The following AHCYL1 variants were observed in gnomAD, a reference collection of about 807,000 sequenced individuals.
The protein encoded by AHCYL1 is adenosylhomocysteinase like 1.
Under a neutral mutation model 79.3 loss-of-function variants are expected in AHCYL1, and 20 were observed. The observed-to-expected ratio is 0.25, with a 90% CI of 0.18 to 0.37. AHCYL1 has a LOEUF of 0.37. Among genes scored for constraint, AHCYL1 ranks in the 10% least tolerant of loss-of-function variants. The pLI, the probability that AHCYL1 is intolerant of heterozygous loss-of-function variation, is 1.00. For missense variants in AHCYL1, 330 were observed against 673.6 expected (o/e 0.49, Z 5.65); for synonymous variants, 223 against 242.2 (o/e 0.92, Z 0.74).
chr1:109,987,771 T>G (rs12073761), intron 1 of AHCYL1, among the ~76,000 whole-genome samples: 2 of 152,140 alleles, frequency 1.3e-5, no homozygotes, highest in Non-Finnish European at 2.9e-5. Flanking sequence ...ATAGGACTTG[T>G]TGGTTTGATT....
Position 109,991,514 on chromosome 1 carries a change from G to A in AHCYL1, c.120+6342G>A, listed in dbSNP as rs374026741. Among the ~76,000 whole-genome samples, 8 of 152,236 alleles carry A rather than the reference G, an allele frequency of 5.3e-5. No homozygotes were observed. The East Asian group carries it at 9.6e-4, about 18-fold the overall frequency. ...GAAATGGGGCATATTAAACAGGAGG[G>A]GTCTGGGACTGCTCTCTGTTCCATG... On this transcript the variant is annotated intron_variant, in intron 1 of 16. Transcript: ENST00000369799.
At chr1:110,019,838 G>T (rs1319843817) in intron 15 of AHCYL1, among the ~76,000 whole-genome samples, 1 of 152,224 alleles carries the variant, frequency 6.6e-6, no homozygotes, top group Non-Finnish European at 1.5e-5. Context: ...AATTGTGTGA[G>T]AATCACAGCT....
At chr1:110,018,285 C>A in intron 11 of AHCYL1, 88 bp from the exon 12 acceptor site, 2 of 1,247,456 alleles carry the variant, frequency 1.6e-6, no homozygotes, top group South Asian at 2.5e-5. Context: ...TGCCAGCAAG[C>A]CTCTGGTCTC....
chr1:110,012,217 G>A (rs532915047), intron 3 of AHCYL1, 145 bp from the exon 4 acceptor site: 9 of 607,974 alleles, frequency 1.5e-5, no homozygotes, highest in Admixed American at 3.2e-5. Context: ...TTACTGTGCC[G>A]TTGAAGCTGC....
At chr1:110,012,815 T>A in intron 4 of AHCYL1, 82 bp from the exon 5 acceptor site, 1 of 1,025,522 alleles carries the variant, frequency 9.8e-7, no homozygotes, top group Non-Finnish European at 1.4e-6. Context: ...AGTTGATAGG[T>A]ATTGCTATCT....
intron 1 of AHCYL1, among the ~76,000 whole-genome samples, chr1:109,987,539 A>G (rs1649536100): frequency 6.6e-6 from 1 of 152,198 alleles, no homozygotes; most frequent in South Asian, 2.1e-4. Flanking sequence ...GGTGACCTTG[A>G]TGGTCCTCAG....
rs745611469 is a variant in AHCYL1 at position 110,011,191 on chromosome 1, G to A, written c.233-23G>A. The A allele has an allele frequency of 3.1e-6, 5 of 1,611,842 alleles. No homozygotes were observed. The East Asian group carries it at 8.9e-5, about 29-fold the overall frequency. ...GGACCACTGAGGTTTTTCTATCCTT[G>A]TTTTTTTCTTTCCTGGCTCTAGCTG... On this transcript the variant is annotated intron_variant, in intron 2 of 16. Coordinates refer to ENST00000369799, the MANE Select transcript of AHCYL1 (RefSeq NM_006621.7).
chr1:109,989,072 G>T (rs946640112), intron 1 of AHCYL1, among the ~76,000 whole-genome samples: 1 of 152,252 alleles, frequency 6.6e-6, no homozygotes, highest in Non-Finnish European at 1.5e-5. Flanking sequence ...TAGAGTGGCT[G>T]CTGTTGTAGT....
At chr1:110,021,114 A>G (rs1651767142) in intron 16 of AHCYL1, among the ~76,000 whole-genome samples, 2 of 152,116 alleles carry the variant, frequency 1.3e-5, no homozygotes, top group Non-Finnish European at 2.9e-5. Context: ...GGTGGCGGGC[A>G]CCTGTCATCC....
intron 9 of AHCYL1, 66 bp downstream of exon 9, chr1:110,016,796 G>A (rs1237259157): frequency 6.3e-7 from 1 of 1,590,568 alleles, no homozygotes; most frequent in African/African-American, 1.4e-5. Flanking sequence ...GGTAAAGGAG[G>A]CTTGTGCTGT....
At chr1:109,990,763 A>C (rs184270033) in intron 1 of AHCYL1, among the ~76,000 whole-genome samples, 6 of 152,234 alleles carry the variant, frequency 3.9e-5, no homozygotes, top group African/African-American at 1.4e-4. Flanking sequence ...GCACTCATAG[A>C]ATGTGGGTAT....
At chr1:109,989,125 T>C (rs935038082) in intron 1 of AHCYL1, among the ~76,000 whole-genome samples, 5 of 152,244 alleles carry the variant, frequency 3.3e-5, no homozygotes, top group South Asian at 2.1e-4. Context: ...AAGATCCTCT[T>C]TTTAAGATTT....
chr1:109,993,380 G>A (rs1305530995), intron 1 of AHCYL1, among the ~76,000 whole-genome samples: 2 of 152,110 alleles, frequency 1.3e-5, no homozygotes, highest in Non-Finnish European at 1.5e-5. Flanking sequence ...TTTTCTAGAT[G>A]GAATATGTTG....
intron 16 of AHCYL1, among the ~76,000 whole-genome samples, chr1:110,021,358 G>A (rs1651782983): frequency 6.6e-6 from 1 of 152,184 alleles, no homozygotes; most frequent in African/African-American, 2.4e-5. Flanking sequence ...CTCACCCTAA[G>A]AGATTCTGAT....
chr1:110,020,194 C>CT (rs991805069), intron 15 of AHCYL1, among the ~76,000 whole-genome samples: 1 of 152,056 alleles, frequency 6.6e-6, no homozygotes, highest in African/African-American at 2.4e-5. Flanking sequence ...TTACTTCAGA[C>CT]TTTTTTTTCA....
In AHCYL1 at chr1:110,009,145, G is replaced by A. The variant is rs756921123; in HGVS notation, c.232G>A (p.Ala78Thr). 3.1e-6 allele frequency: 5 copies of A among 1,610,254 alleles called. No homozygotes were observed. In the East Asian group the frequency reaches 8.9e-5, roughly 29 times the overall value. ...SQSSTDSYSS[A>T]ASYTDSSDDE... ...GTCCTCCACTGACAGCTACAGTTCA[G>A]GTAGGTGTGAATGAACTCCATGTCC... The change falls in exon 2 of 17, where the codon GCT becomes ACT. Residue 78 changes from alanine (A) to threonine (T), a missense_variant and splice_region_variant. Around this residue, in one of 6 missense-constraint regions of AHCYL1, gnomAD observed 97 missense variants for 176.3 expected, o/e 0.55. Coordinates refer to ENST00000369799, the MANE Select transcript of AHCYL1 (RefSeq NM_006621.7).
At chr1:110,009,196 T>C (rs1399755581) in intron 2 of AHCYL1, 51 bp downstream of exon 2, 1 of 1,499,800 alleles carries the variant, frequency 6.7e-7, no homozygotes, top group Admixed American at 1.7e-5. Flanking sequence ...CCCTGTTTGC[T>C]ACCAGTGCTC....
rs1223309937 is a variant in AHCYL1, at chr1:110,019,134, G to A, written c.1386+15G>A. On this transcript the variant is annotated intron_variant, in intron 14 of 16. Coordinates refer to ENST00000369799, the MANE Select transcript of AHCYL1 (RefSeq NM_006621.7). ...CCACAACACAGGTATGTGGCAAAAT[G>A]CCTGCTTACACTGCACTGCAATTTG... 6.2e-7 allele frequency: 1 copy of A among 1,612,790 alleles called. No individual in the cohort carries two copies. Among genetic ancestry groups the A allele is most frequent in the Non-Finnish European group, 8.5e-7 (1 of 1,178,928 alleles).
rs1466958338 is a variant in AHCYL1, at chr1:110,022,243, T to G, written c.*563T>G. ...GTATAATGAGCATGGCTTGTTAAGA[T>G]CAGGAGGCCCACTTGGATTTATAGT... On this transcript the variant is annotated 3_prime_UTR_variant, in exon 17 of 17. Coordinates refer to ENST00000369799, the MANE Select transcript of AHCYL1 (RefSeq NM_006621.7). 5 of 152,536 alleles carry G rather than the reference T, an allele frequency of 3.3e-5. No individual in the cohort carries two copies. Among genetic ancestry groups the G allele is most frequent in the African/African-American group, 1.2e-4 (5 of 41,398 alleles). The allele number at this position is 152,536 out of a possible 1,614,324, so 9.4% of individuals were successfully genotyped here. A position where few individuals can be genotyped will look rare whatever the true frequency, so the allele number is the denominator to read the frequency against.
Sources: gnomAD v4.1 joint callset for allele counts (sites outside exome capture counted in the v4.1 genomes callset) on GRCh38, gnomAD v4.1.1 for gene constraint, gnomAD v4.1.1 regional missense constraint, MANE v1.5 for transcripts, NCBI Gene and HGNC (gene_info 2026-07-23, HGNC 2026-07-21) for gene names.